Variants in RP2 observed in about 807,000 individuals in gnomAD.
RP2 encodes protein XRP2.
A neutral mutation model predicts 20.3 loss-of-function variants in RP2; 3 were observed. The ratio of observed to expected loss-of-function variants is 0.15; its 90% CI spans 0.07 to 0.38. RP2 has a LOEUF of 0.38. Ranked by LOEUF, RP2 falls within the 10% of genes least tolerant of loss-of-function variation. RP2 has a pLI of 1.00. For synonymous variants in RP2, 75 were observed against 94.8 expected (o/e 0.79, Z 1.22); for missense variants, 233 against 268.5 (o/e 0.87, Z 0.92).
intron 3 of RP2, among the ~76,000 whole-genome samples, chrX:46,866,790 A>T (rs957472998): frequency 1.8e-5 from 2 of 111,890 alleles, no homozygotes; most frequent in African/African-American, 6.5e-5. Flanking sequence ...TTAATTTTTT[A>T]AAATTTGCAT....
At chrX:46,855,820 A>AT (rs1392859624) in intron 2 of RP2, among the ~76,000 whole-genome samples, 1 of 110,804 alleles carries the variant, frequency 9.0e-6, no homozygotes, top group Non-Finnish European at 1.9e-5. Flanking sequence ...AAGTTGGAAC[A>AT]TATCAAAAGG....
At chrX:46,843,870 T>C (rs191371428) in intron 1 of RP2, among the ~76,000 whole-genome samples, 2 of 111,000 alleles carry the variant, frequency 1.8e-5, no homozygotes, top group Admixed American at 1.9e-4. Context: ...GACAGGGTTT[T>C]GCCATATTGG....
At chrX:46,840,931 G>A (rs1474434180) in intron 1 of RP2, among the ~76,000 whole-genome samples, 1 of 112,287 alleles carries the variant, frequency 8.9e-6, no homozygotes, top group East Asian at 2.8e-4. Flanking sequence ...TCTTATACCA[G>A]AAATTCGAGT....
At chrX:46,869,300 C>CTT (rs200572647) in intron 3 of RP2, among the ~76,000 whole-genome samples, 1 of 97,950 alleles carries the variant, frequency 1.0e-5, no homozygotes. Context: ...TGTAGTTTTT[C>CTT]TTTTTTTTTT....
At chrX:46,865,885 C>T (rs1390371060) in intron 3 of RP2, among the ~76,000 whole-genome samples, 2 of 109,183 alleles carry the variant, frequency 1.8e-5, no homozygotes, top group Non-Finnish European at 3.8e-5. Flanking sequence ...CCAAGATTGC[C>T]ACCGCAGTCC....
At chrX:46,852,876 C>A (rs1924886970) in intron 1 of RP2, among the ~76,000 whole-genome samples, 1 of 111,464 alleles carries the variant, frequency 9.0e-6, no homozygotes, top group South Asian at 3.7e-4. Context: ...AGCCACTGCA[C>A]CCAGCCTCAG....
At chrX:46,847,717 T>TATATGTGTGTGTGTGTATACACAC (rs1924746716) in intron 1 of RP2, among the ~76,000 whole-genome samples, 3 of 67,960 alleles carry the variant, frequency 4.4e-5, no homozygotes, top group Admixed American at 3.8e-4. Context: ...TATACACACA[T>TATATGTGTGTGTGTGTATACACAC]ATATGTGTGT....
rs782144180 is a variant in RP2, at chrX:46,853,601, T to C, written c.228T>C (p.Asp76=). The C allele has an allele frequency of 6.6e-6, 8 of 1,209,812 alleles. No individual in the cohort carries two copies. In the African/African-American group the frequency reaches 1.2e-4, roughly 19 times the overall value. ...AGAACTGTAACATCTATATTTTTGATCACTCTGCTACAGTTACCATTGATG... is the reference window on the plus strand; with the variant it reads ...AGAACTGTAACATCTATATTTTTGACCACTCTGCTACAGTTACCATTGATG... ...DCENCNIYIF[D]HSATVTIDDC... The change falls in exon 2 of 5, where the codon GAT becomes GAC. Residue 76 remains aspartate, a synonymous_variant. Transcript: ENST00000218340.
chrX:46,870,719 C>CTA (rs1569532259), intron 3 of RP2, among the ~76,000 whole-genome samples: 1 of 112,037 alleles, frequency 8.9e-6, no homozygotes, highest in African/African-American at 3.2e-5. Context: ...TCAGGCAATT[C>CTA]TAATTTTTTG....
At chrX:46,867,162 G>A (rs782122458) in intron 3 of RP2, among the ~76,000 whole-genome samples, 6 of 110,654 alleles carry the variant, frequency 5.4e-5, no homozygotes, top group Admixed American at 9.6e-5. Context: ...GTGCAATGGC[G>A]TGATCTTGGC....
chrX:46,862,442 C>T (rs1258770447), intron 3 of RP2, among the ~76,000 whole-genome samples: 7 of 109,880 alleles, frequency 6.4e-5, no homozygotes, highest in African/African-American at 2.3e-4. Flanking sequence ...GGGCAGATCA[C>T]AAGGTCAGGA....
intron 3 of RP2, among the ~76,000 whole-genome samples, chrX:46,872,806 C>T (rs999600766): frequency 2.7e-5 from 3 of 111,417 alleles, no homozygotes; most frequent in Non-Finnish European, 5.6e-5. Context: ...GGCTTGATCT[C>T]GGCTCACTGC....
chrX:46,843,776 A>T (rs1251078439), intron 1 of RP2, among the ~76,000 whole-genome samples: 1 of 111,762 alleles, frequency 8.9e-6, no homozygotes, highest in Non-Finnish European at 1.9e-5. Context: ...TCGAATCATC[A>T]ATAGTATATA....
intron 2 of RP2, among the ~76,000 whole-genome samples, chrX:46,859,469 A>G (rs1257603839): frequency 9.4e-6 from 1 of 106,941 alleles, no homozygotes; most frequent in Non-Finnish European, 1.9e-5. Flanking sequence ...AGCCAGGGCA[A>G]CAGAGTGACA....
chrX:46,847,732 ATATACACACATATGTGTGTGTG>A (rs1342607568), intron 1 of RP2, among the ~76,000 whole-genome samples: 1 of 95,396 alleles, frequency 1.0e-5, no homozygotes, highest in African/African-American at 3.9e-5. Context: ...GTGTGTGTGT[ATATACACACATATGTGTGTGTG>A]TATATACACA....
chrX:46,879,622 A>G (rs1332396026), intron 4 of RP2, 64 bp from the exon 5 acceptor site: 13 of 697,600 alleles, frequency 1.9e-5, no homozygotes, highest in Non-Finnish European at 2.7e-5. Flanking sequence ...TGTGGAGAAC[A>G]TGGGCTTTGG....
chrX:46,876,166 C>A (rs1556327662), intron 3 of RP2, among the ~76,000 whole-genome samples: 1 of 110,619 alleles, frequency 9.0e-6, no homozygotes, highest in Non-Finnish European at 1.9e-5. Flanking sequence ...GTTGTCCAGG[C>A]TAGAGTGCAG....
intron 3 of RP2, among the ~76,000 whole-genome samples, chrX:46,863,174 T>A (rs1430316938): frequency 9.0e-6 from 1 of 111,667 alleles, no homozygotes; most frequent in East Asian, 2.8e-4. Flanking sequence ...AGTTTGAAGA[T>A]GAGATAGAAT....
intron 1 of RP2, among the ~76,000 whole-genome samples, chrX:46,852,207 G>A (rs1370759563): frequency 1.8e-5 from 2 of 108,335 alleles, no homozygotes; most frequent in Non-Finnish European, 3.8e-5. Flanking sequence ...ACTCCGTCTC[G>A]AAAGAGAGAG....
Sources: gnomAD v4.1 joint callset for allele counts (sites outside exome capture counted in the v4.1 genomes callset) on GRCh38, gnomAD v4.1.1 for gene constraint, MANE v1.5 for transcripts, NCBI Gene and HGNC (gene_info 2026-07-23, HGNC 2026-07-21) for gene names.